DIDO1: variants seen among roughly 807,000 people sequenced by gnomAD.
The protein encoded by DIDO1 is death inducer-obliterator 1.
Under a neutral mutation model 99.4 loss-of-function variants are expected in DIDO1, and 16 were observed. That is an observed-to-expected ratio of 0.16 (90% CI 0.11 to 0.24). The LOEUF is 0.24. DIDO1 is among the 10% of genes least tolerant of loss of function. DIDO1 has a pLI of 1.00. For synonymous variants in DIDO1, 1,366 were observed against 1,239.1 expected (o/e 1.10, Z -2.15); for missense variants, 2,996 against 3,014.0 (o/e 0.99, Z 0.14).
chr20:62,892,183 G>T, intron 13 of DIDO1, 107 bp from the exon 14 acceptor site: 1 of 904,890 alleles, frequency 1.1e-6, no homozygotes, highest in Non-Finnish European at 1.7e-6. Flanking sequence ...GAAGACTACA[G>T]CTATTCCAAG....
intron 1 of DIDO1, among the ~76,000 whole-genome samples, chr20:62,934,586 C>T (rs1212845248): frequency 2.0e-5 from 3 of 152,170 alleles, no homozygotes; most frequent in Admixed American, 2.0e-4. Context: ...TGGCATCTAG[C>T]TCACTGCTCA....
intron 13 of DIDO1, 111 bp from the exon 14 acceptor site, chr20:62,892,187 T>G: frequency 1.1e-6 from 1 of 886,036 alleles, no homozygotes; most frequent in Non-Finnish European, 1.7e-6. Context: ...ACTACAGCTA[T>G]TCCAAGGAAA....
In DIDO1 at chr20:62,881,718, G is replaced by A. The variant is rs772882940; in HGVS notation, c.4238C>T (p.Ala1413Val). 6 of 1,612,914 alleles carry A rather than the reference G, an allele frequency of 3.7e-6. No homozygotes were observed. The highest frequency in any genetic ancestry group is 4.2e-6 in the Non-Finnish European group (5 of 1,180,016). The change falls in exon 16 of 16, where the codon GCT becomes GTT. Residue 1413 changes from alanine (A) to valine (V), a missense_variant. Coordinates refer to ENST00000395343, the MANE Select transcript of DIDO1 (RefSeq NM_001193369.2). The surrounding 1 kb of genome is among the most constrained non-coding windows in gnomAD (Gnocchi z 8.3). ...ERGRRHEVERAPEAAAAEREE... is the reference protein window; with the variant it reads ...ERGRRHEVERVPEAAAAEREE... ...CCGCTCGGCTGCAGCTGCTTCAGGAGCCCTTTCCACCTCGTGGCGCCGCCC... is the reference window on the plus strand; with the variant it reads ...CCGCTCGGCTGCAGCTGCTTCAGGAACCCTTTCCACCTCGTGGCGCCGCCC...
At chr20:62,925,163 G>A (rs563514521) in intron 1 of DIDO1, among the ~76,000 whole-genome samples, 40 of 152,306 alleles carry the variant, frequency 2.6e-4, no homozygotes, top group Admixed American at 1.2e-3. Flanking sequence ...AGGTAAACGA[G>A]TTGGCAACAC....
intron 2 of DIDO1, among the ~76,000 whole-genome samples, chr20:62,913,289 ATCAGGGCACCAGCAGCGACTCCAAG>A (rs67823444): frequency 0.13 from 19,296 of 151,986 alleles, 1,515 homozygotes; most frequent in East Asian, 0.2. Context: ...GCTCAACTCA[ATCAGGGCACCAGCAGCGACTCCAAG>A]TCAGGGTGCA....
At chr20:62,905,019 G>C (rs1484704524) in intron 6 of DIDO1, 1 of 989,210 alleles carries the variant, frequency 1.0e-6, no homozygotes, top group Non-Finnish European at 1.2e-6. Context: ...ATTGAAAATA[G>C]TTTTATAGCA....
intron 6 of DIDO1, 95 bp downstream of exon 6, chr20:62,905,792 C>CA (rs775460091): frequency 6.2e-7 from 1 of 1,612,960 alleles, no homozygotes; most frequent in East Asian, 2.2e-5. Flanking sequence ...CAGCTTAACA[C>CA]AAAGCTGCAA....
At position 62,896,502 on chromosome 20, in the gene DIDO1, T is replaced by C. The variant is rs2064526907; in HGVS notation, c.2054+29A>G. 6.3e-7 allele frequency: 1 copy of C among 1,578,432 alleles called. No individual in the cohort carries two copies. Among genetic ancestry groups the C allele is most frequent in the Non-Finnish European group, 8.6e-7 (1 of 1,165,512 alleles). ...TCTAATGAAAGCCCTTCCATTTTAA[T>C]GGGTAAGAAATCAAGCAGAACAGCC... On this transcript the variant is annotated intron_variant, in intron 7 of 15. Transcript: ENST00000395343. This position sits in a 1 kb window ranked among gnomAD's most constrained non-coding sequence, Gnocchi z 4.4.
At chr20:62,927,323 C>G (rs1360374592), upstream of DIDO1, among the ~76,000 whole-genome samples, 3 of 152,318 alleles carry the variant, frequency 2.0e-5, no homozygotes, top group East Asian at 3.9e-4. Context: ...CACTTACTAT[C>G]AAGAGAGGGG....
In DIDO1 at chr20:62,894,936, A is replaced by T; in HGVS notation, c.2332-22T>A. 1 of 1,610,620 alleles carries T rather than the reference A, an allele frequency of 6.2e-7. No homozygotes were observed. The highest frequency in any genetic ancestry group is 8.5e-7 in the Non-Finnish European group (1 of 1,177,754). On this transcript the variant is annotated intron_variant, in intron 9 of 15. Coordinates refer to ENST00000395343, the MANE Select transcript of DIDO1 (RefSeq NM_001193369.2). The surrounding 1 kb of genome is among the most constrained non-coding windows in gnomAD (Gnocchi z 4.4). ...TCACCTGAAATGAAAAAGACGAAAC[A>T]GAGCTTAGGCCTTGTTTTCTAGGAG...
intron 1 of DIDO1, among the ~76,000 whole-genome samples, chr20:62,922,966 T>G (rs577018147): frequency 1.3e-5 from 2 of 152,106 alleles, no homozygotes; most frequent in Non-Finnish European, 2.9e-5. Context: ...CAGACCAGTT[T>G]GAAAAATCAA....
intron 6 of DIDO1, among the ~76,000 whole-genome samples, chr20:62,903,475 G>A (rs1368213403): frequency 6.6e-6 from 1 of 152,184 alleles, no homozygotes. Context: ...CCCTACCAGG[G>A]AGGGCGAGCT....
Position 62,879,594 on chromosome 20 carries a change from C to T in DIDO1, c.6362G>A (p.Arg2121Gln), listed in dbSNP as rs752079698. The change falls in exon 16 of 16, where the codon CGA becomes CAA. Residue 2121 changes from arginine to glutamine, a missense_variant. Coordinates refer to ENST00000395343, the MANE Select transcript of DIDO1 (RefSeq NM_001193369.2). This position sits in a 1 kb window ranked among gnomAD's most constrained non-coding sequence, Gnocchi z 6.3. Reference sequence around the variant, plus strand: ...CCAGTCCCGCTCTCGGCTCCAGTTTCGGCCGCGCTCGCGCTCTCTCCTCCT... The same window carrying T: ...CCAGTCCCGCTCTCGGCTCCAGTTTTGGCCGCGCTCGCGCTCTCTCCTCCT... ...EDRRRERERG[R>Q]NWSRERDWDR... 6.2e-6 allele frequency: 10 copies of T among 1,603,136 alleles called. No individual in the cohort carries two copies. In the Middle Eastern group the frequency reaches 9.9e-4, roughly 159 times the overall value.
At chr20:62,892,988 A>T (rs1345772783) in intron 12 of DIDO1, 26 bp from the exon 13 acceptor site, 3 of 1,590,924 alleles carry the variant, frequency 1.9e-6, no homozygotes, top group Non-Finnish European at 2.6e-6. Flanking sequence ...ATAAAAAAAA[A>T]GTCAATGTCT....
At chr20:62,924,194 G>C (rs2065210468) in intron 1 of DIDO1, among the ~76,000 whole-genome samples, 1 of 152,184 alleles carries the variant, frequency 6.6e-6, no homozygotes, top group Admixed American at 6.5e-5. Context: ...AGTATCCACT[G>C]TAAGGGACCC....
intron 2 of DIDO1, among the ~76,000 whole-genome samples, chr20:62,912,453 G>A (rs558535368): frequency 3.7e-4 from 55 of 150,314 alleles, no homozygotes; most frequent in Non-Finnish European, 6.5e-4. Context: ...TTGAGACGGA[G>A]TCTTGCTCTG....
intron 15 of DIDO1, among the ~76,000 whole-genome samples, chr20:62,882,846 G>A (rs1228524588): frequency 6.6e-6 from 1 of 151,238 alleles, no homozygotes; most frequent in African/African-American, 2.4e-5. Flanking sequence ...TGTCGCACAT[G>A]CCCTCAACAC....
rs1268237438 is a variant in DIDO1 at position 62,911,203 on chromosome 20, G to A, written c.410C>T (p.Ala137Val). 4 of 1,613,818 alleles carry A rather than the reference G, an allele frequency of 2.5e-6. No individual in the cohort carries two copies. Among genetic ancestry groups the A allele is most frequent in the Non-Finnish European group, 2.5e-6 (3 of 1,180,042 alleles). The change falls in exon 3 of 16, where the codon GCC (alanine) becomes GTC (valine). Residue 137 changes from alanine (A) to valine (V), a missense_variant. Around this residue, in one of 5 missense-constraint regions of DIDO1, gnomAD observed 388 missense variants for 376.6 expected, o/e 1.03. Coordinates refer to ENST00000395343, the MANE Select transcript of DIDO1 (RefSeq NM_001193369.2). This position sits in a 1 kb window ranked among gnomAD's most constrained non-coding sequence, Gnocchi z 7.0. The stretch of plus-strand genomic sequence containing the variant: ...CCCTCCTTTCACCTTTTCAGAAGAG[G>A]CTGGTCGTTCCTTCACAGCTGTGGA... The part of the protein sequence containing the change: ...SASTAVKERP[A>V]SSEKVKGGDD...
chr20:62,907,747 T>G lies in DIDO1; in HGVS notation c.1162-388A>C, dbSNP rs574390928. Among the ~76,000 whole-genome samples the G allele has an allele frequency of 2.6e-5, 4 of 152,312 alleles. No individual in the cohort carries two copies. In the East Asian group the frequency reaches 7.7e-4, roughly 29 times the overall value. ...CTAACTGGGATGACTGCAAGTCAAATGGGTCCGGCTAAATCAGGTAAAAAC... is the reference window on the plus strand; with the variant it reads ...CTAACTGGGATGACTGCAAGTCAAAGGGGTCCGGCTAAATCAGGTAAAAAC... On this transcript the variant is annotated intron_variant, in intron 4 of 15. Transcript: ENST00000395343.
Sources: allele counts gnomAD v4.1 joint callset (sites outside exome capture counted in the v4.1 genomes callset), GRCh38; gene constraint gnomAD v4.1.1; regional missense constraint gnomAD v4.1.1; non-coding constraint Gnocchi (gnomAD v3.1); transcripts MANE v1.5; gene names NCBI Gene and HGNC (gene_info 2026-07-23, HGNC 2026-07-21).